TASP1: variants seen among roughly 807,000 people sequenced by gnomAD.
The protein encoded by TASP1 is threonine aspartase 1.
Under a neutral mutation model 56.6 loss-of-function variants are expected in TASP1, and 16 were observed. The observed-to-expected ratio is 0.28, with a 90% CI of 0.19 to 0.43. The LOEUF is 0.43. Among genes scored for constraint, TASP1 ranks in the 20% least tolerant of loss-of-function variants. TASP1 has a pLI of 1.00. For synonymous variants in TASP1, 179 were observed against 184.2 expected, an observed-to-expected ratio of 0.97 and a Z score of 0.23; for missense variants, 393 against 511.6, an observed-to-expected ratio of 0.77 and a Z score of 2.24.
the TASP1 span, among the ~76,000 whole-genome samples, chr20:13,112,434 C>T: frequency 2.6e-5 from 4 of 152,220 alleles, no homozygotes; most frequent in South Asian, 6.2e-4. Context: ...GAGACATTAT[C>T]ACTTCTGCCC....
At chr20:13,147,730 A>C in the TASP1 span, among the ~76,000 whole-genome samples, 13 of 152,266 alleles carry the variant, frequency 8.5e-5, no homozygotes, top group African/African-American at 3.1e-4. Flanking sequence ...CAAGGACCTC[A>C]TTTTCCAAGC....
chr20:13,108,658 T>G, the TASP1 span, among the ~76,000 whole-genome samples: 1 of 151,900 alleles, frequency 6.6e-6, no homozygotes, highest in East Asian at 1.9e-4. Flanking sequence ...CACTGCAACA[T>G]CCGTCTCCTG....
chr20:13,118,658 T>C, the TASP1 span, among the ~76,000 whole-genome samples: 14 of 152,180 alleles, frequency 9.2e-5, no homozygotes, highest in South Asian at 2.1e-4. Flanking sequence ...GACAGTGATG[T>C]TGGCTCAGCC....
the TASP1 span, among the ~76,000 whole-genome samples, chr20:13,241,040 C>A: frequency 1.3e-5 from 2 of 152,132 alleles, no homozygotes; most frequent in Non-Finnish European, 2.9e-5. Flanking sequence ...AGGTGTGTCA[C>A]AGAAGCCAGG....
intron 4 of TASP1, among the ~76,000 whole-genome samples, chr20:13,602,190 C>T (rs1044380983): frequency 2.6e-5 from 4 of 151,832 alleles, no homozygotes; most frequent in African/African-American, 9.7e-5. Context: ...CCCATAACCC[C>T]ATTCTAATCA....
chr20:13,325,478 CCACAGT>C, the TASP1 span, among the ~76,000 whole-genome samples: 2 of 151,980 alleles, frequency 1.3e-5, no homozygotes, highest in Admixed American at 6.6e-5. Flanking sequence ...ATGAGAGGGT[CCACAGT>C]TTCTGCTACA....
the TASP1 span, among the ~76,000 whole-genome samples, chr20:13,378,300 CTTAT>C: frequency 6.6e-6 from 1 of 152,150 alleles, no homozygotes; most frequent in Non-Finnish European, 1.5e-5. Flanking sequence ...TTTCAAAGAA[CTTAT>C]TTATTACTGC....
intron 11 of TASP1, among the ~76,000 whole-genome samples, chr20:13,467,416 C>CT (rs928889764): frequency 2.1e-5 from 3 of 142,674 alleles, no homozygotes; most frequent in Non-Finnish European, 3.0e-5. Flanking sequence ...AAATGTCTTC[C>CT]TAAAAAAAAA....
intron 8 of TASP1, among the ~76,000 whole-genome samples, chr20:13,539,970 T>G (rs1161551289): frequency 2.1e-5 from 3 of 143,088 alleles, no homozygotes; most frequent in Non-Finnish European, 4.7e-5. Flanking sequence ...ATCACACGAA[T>G]ACTCATGGCT....
the TASP1 span, among the ~76,000 whole-genome samples, chr20:13,124,806 G>A: frequency 3.9e-5 from 6 of 152,176 alleles, no homozygotes; most frequent in Non-Finnish European, 8.8e-5. Flanking sequence ...TGATGGGCAG[G>A]GACCAGGCCC....
At chr20:13,297,914 C>G in the TASP1 span, among the ~76,000 whole-genome samples, 1 of 152,106 alleles carries the variant, frequency 6.6e-6, no homozygotes, top group Admixed American at 6.5e-5. Flanking sequence ...GCCCCGGGCT[C>G]CTTCCTCTTT....
chr20:13,210,616 C>T, the TASP1 span, among the ~76,000 whole-genome samples: 14 of 147,502 alleles, frequency 9.5e-5, no homozygotes, highest in East Asian at 1.4e-3. Context: ...CATGTGCACA[C>T]GTGTGTGTGT....
chr20:13,145,237 AC>A, the TASP1 span, among the ~76,000 whole-genome samples: 1 of 152,062 alleles, frequency 6.6e-6, no homozygotes, highest in African/African-American at 2.4e-5. Flanking sequence ...TATCTAGAAA[AC>A]CCCATAGTAC....
At chr20:13,247,243 T>G in the TASP1 span, among the ~76,000 whole-genome samples, 5,535 of 151,994 alleles carry the variant, frequency 0.036, 174 homozygotes, top group African/African-American at 0.077. Context: ...AAAAAAAAAA[T>G]AAGAAGAGAT....
At chr20:13,321,105 A>G in the TASP1 span, among the ~76,000 whole-genome samples, 1 of 151,908 alleles carries the variant, frequency 6.6e-6, no homozygotes, top group Non-Finnish European at 1.5e-5. Flanking sequence ...AGGCTGAGGC[A>G]TGAGAATCGT....
the TASP1 span, among the ~76,000 whole-genome samples, chr20:13,331,444 A>G: frequency 6.6e-6 from 1 of 152,208 alleles, no homozygotes; most frequent in South Asian, 2.1e-4. Flanking sequence ...TTCCAATAGA[A>G]TAGAGGTGAT....
the TASP1 span, among the ~76,000 whole-genome samples, chr20:13,181,217 G>A: frequency 3.9e-5 from 6 of 152,184 alleles, no homozygotes; most frequent in African/African-American, 1.4e-4. Context: ...CACCAGGGGT[G>A]ATAATCTGAA....
chr20:13,395,672 A>G (rs1227294687), intron 13 of TASP1, among the ~76,000 whole-genome samples: 2 of 150,850 alleles, frequency 1.3e-5, no homozygotes, highest in Admixed American at 6.6e-5. Flanking sequence ...GCCTGACATG[A>G]TAATAGTCAC....
chr20:13,367,878 C>A, the TASP1 span, among the ~76,000 whole-genome samples: 70 of 152,186 alleles, frequency 4.6e-4, no homozygotes, highest in African/African-American at 1.6e-3. Context: ...AACTTAAAAA[C>A]AAGGCTGGGC....
Sources: allele counts gnomAD v4.1 joint callset (sites outside exome capture counted in the v4.1 genomes callset), GRCh38; gene constraint gnomAD v4.1.1; transcripts MANE v1.5; gene names NCBI Gene and HGNC (gene_info 2026-07-23, HGNC 2026-07-21).